The following MEF2D variants were observed in gnomAD, a reference collection of about 807,000 sequenced individuals.
MEF2D encodes myocyte-specific enhancer factor 2D.
MEF2D carries 10 observed loss-of-function variants against 59.3 expected under a neutral mutation model. That is an observed-to-expected ratio of 0.17 (90% CI 0.10 to 0.29). The LOEUF (loss-of-function observed/expected upper bound fraction) is 0.29, where lower values mean the gene tolerates loss of function less well. Ranked by LOEUF, MEF2D falls within the 10% of genes least tolerant of loss-of-function variation. The pLI is 1.00. For synonymous variants in MEF2D, 305 were observed against 295.0 expected, an observed-to-expected ratio of 1.03 and a Z score of -0.35; for missense variants, 508 against 699.4, an observed-to-expected ratio of 0.73 and a Z score of 3.09.
intron 1 of MEF2D, among the ~76,000 whole-genome samples, chr1:156,496,572 AG>A (rs1490720650): frequency 6.6e-6 from 1 of 152,152 alleles, no homozygotes; most frequent in Non-Finnish European, 1.5e-5. Context: ...CTCCTGCTCC[AG>A]TCAGCCCTTC....
Position 156,468,654 on chromosome 1 carries a change from T to C in MEF2D, c.1247+126A>G. The C allele has an allele frequency of 6.9e-7, 1 of 1,459,222 alleles. No homozygotes were observed. Among genetic ancestry groups the C allele is most frequent in the Non-Finnish European group, 9.3e-7 (1 of 1,081,066 alleles). 90.4% of individuals were successfully genotyped at this position (1,459,222 alleles called of 1,614,324 possible). A position where few individuals can be genotyped will look rare whatever the true frequency, so the allele number is the denominator to read the frequency against. On this transcript the variant is annotated intron_variant, in intron 10 of 11. Transcript: ENST00000348159. The surrounding 1 kb of genome is among the most constrained non-coding windows in gnomAD (Gnocchi z 4.3). The stretch of plus-strand genomic sequence containing the variant: ...GGTGCCACTGTTGCCTAACAGACTG[T>C]GCAGTGCACAGCCTCATAGGATGTC...
intron 1 of MEF2D, among the ~76,000 whole-genome samples, chr1:156,489,246 C>T (rs560426866): frequency 6.6e-6 from 1 of 152,222 alleles, no homozygotes; most frequent in African/African-American, 2.4e-5. Flanking sequence ...TCCTCCCGCC[C>T]CTTCCCTGTG....
chr1:156,497,234 GGGACAGAA>G (rs1260702373), intron 1 of MEF2D, among the ~76,000 whole-genome samples: 8 of 152,242 alleles, frequency 5.3e-5, no homozygotes, highest in Non-Finnish European at 8.8e-5. Flanking sequence ...TCACCAAACT[GGGACAGAA>G]GGACAGACAG....
chr1:156,472,693 C>T (rs1451813380), intron 9 of MEF2D, among the ~76,000 whole-genome samples: 3 of 151,140 alleles, frequency 2.0e-5, no homozygotes, highest in South Asian at 4.2e-4. Context: ...GGACTACAGG[C>T]GTGTGCCACC....
chr1:156,479,084 C>T (rs1473740902), intron 6 of MEF2D, among the ~76,000 whole-genome samples: 2 of 151,848 alleles, frequency 1.3e-5, no homozygotes, highest in Non-Finnish European at 2.9e-5. Context: ...ATTCCCTGAG[C>T]CTCCATCTCT....
chr1:156,483,174 G>A (rs1308627078), intron 2 of MEF2D, 65 bp downstream of exon 2: 3 of 1,522,550 alleles, frequency 2.0e-6, no homozygotes, highest in African/African-American at 2.7e-5. Flanking sequence ...AATGCCTGAA[G>A]GGAGTAGAGG....
At chr1:156,476,809 C>G in intron 7 of MEF2D, 1 of 678,060 alleles carries the variant, frequency 1.5e-6, no homozygotes, top group Non-Finnish European at 2.5e-6. Flanking sequence ...TTTTTACTGC[C>G]TTAGGCTGGT....
At chr1:156,482,148 G>A (rs544013120) in intron 3 of MEF2D, among the ~76,000 whole-genome samples, 1 of 152,376 alleles carries the variant, frequency 6.6e-6, no homozygotes, top group East Asian at 1.9e-4. Flanking sequence ...GCAGGATAGA[G>A]ATGTTACATC....
At chr1:156,481,176 G>C (rs1022013363) in intron 3 of MEF2D, among the ~76,000 whole-genome samples, 1 of 152,186 alleles carries the variant, frequency 6.6e-6, no homozygotes, top group African/African-American at 2.4e-5. Flanking sequence ...GGGAGCTGTC[G>C]GAACACAGAG....
At chr1:156,471,980 G>A (rs149719304) in intron 9 of MEF2D, among the ~76,000 whole-genome samples, 36 of 152,322 alleles carry the variant, frequency 2.4e-4, no homozygotes, top group African/African-American at 7.9e-4. Context: ...ATGCCAGAGT[G>A]ACAGATGAGA....
In MEF2D at chr1:156,468,692, G is replaced by A; in HGVS notation, c.1247+88C>T. On this transcript the variant is annotated intron_variant, in intron 10 of 11. Transcript: ENST00000348159. The surrounding 1 kb of genome is among the most constrained non-coding windows in gnomAD (Gnocchi z 4.3). Reference sequence around the variant, plus strand: ...CTCATAGGATGTCCACTAGAACCCTGCAGGGAACCCAGCTCCCAAGAGGTC... The same window carrying A: ...CTCATAGGATGTCCACTAGAACCCTACAGGGAACCCAGCTCCCAAGAGGTC... 1 of 1,547,978 alleles carries A rather than the reference G, an allele frequency of 6.5e-7. No homozygotes were observed. Among genetic ancestry groups the A allele is most frequent in the Non-Finnish European group, 8.8e-7 (1 of 1,142,292 alleles).
rs1400781078 is a variant in MEF2D at position 156,480,870 on chromosome 1, G to A, written c.360C>T (p.Ala120=). The A allele has an allele frequency of 6.2e-7, 1 of 1,604,546 alleles. No homozygotes were observed. The highest frequency in any genetic ancestry group is 8.5e-7 in the Non-Finnish European group (1 of 1,175,754). ...GGAAGAGCCCGTCGAGCTCCTCGCT[G>A]GCGCGTCGGTACTTGTCCTCCAGCA... is the stretch of plus-strand genomic sequence containing the variant. The part of the protein sequence containing the change: ...SPLLEDKYRR[A]SEELDGLFRR... Residue 120 remains alanine, a synonymous_variant, in exon 4 of 12, where the codon GCC becomes GCT. Transcript: ENST00000348159.
intron 4 of MEF2D, 188 bp downstream of exon 4, chr1:156,480,646 C>T: frequency 6.5e-7 from 1 of 1,549,778 alleles, no homozygotes; most frequent in Non-Finnish European, 8.7e-7. Context: ...TACTCACGGC[C>T]AGTCTATAAC....
chr1:156,479,407 G>T, intron 5 of MEF2D, 61 bp from the exon 6 acceptor site: 1 of 1,571,392 alleles, frequency 6.4e-7, no homozygotes. Flanking sequence ...GTGAGTCTTG[G>T]GGACTGAACA....
intron 4 of MEF2D, among the ~76,000 whole-genome samples, chr1:156,480,086 G>A (rs572722708): frequency 3.6e-4 from 55 of 152,244 alleles, no homozygotes; most frequent in Middle Eastern, 3.4e-3. Context: ...CCTAGTGGAG[G>A]TGGGTTAGTC....
In MEF2D at chr1:156,467,586, C is replaced by T. The variant is rs541777657; in HGVS notation, c.*59G>A. 3.8e-5 allele frequency: 50 copies of T among 1,302,394 alleles called. No homozygotes were observed. The South Asian group carries it at 1.1e-3, about 29-fold the overall frequency. 80.7% of individuals were successfully genotyped at this position (1,302,394 alleles called of 1,614,324 possible). A position where few individuals can be genotyped will look rare whatever the true frequency, so the allele number is the denominator to read the frequency against. ...GGGAGGAGCCCGGGGCAGGGAAGGG[C>T]GGGCGGTGAGATTGTCAACTCTTCA... On this transcript the variant is annotated 3_prime_UTR_variant, in exon 12 of 12. Transcript: ENST00000348159.
rs1305951058 is a variant in MEF2D, at chr1:156,480,960, C to T, written c.270G>A (p.Lys90=). 1 of 1,611,986 alleles carries T rather than the reference C, an allele frequency of 6.2e-7. No individual in the cohort carries two copies. The highest frequency in any genetic ancestry group is 8.5e-7 in the Non-Finnish European group (1 of 1,179,942). Residue 90 remains lysine, a synonymous_variant, in exon 4 of 12, where the codon AAG becomes AAA. Coordinates refer to ENST00000348159, the MANE Select transcript of MEF2D (RefSeq NM_005920.4). ...GGCTGTCGCAGCCGTTGAAGCCCTT[C>T]TTCCTCAGGGTCTGTAACCGCACCA... is the stretch of plus-strand genomic sequence containing the variant. ...TNADIIETLR[K]KGFNGCDSPE...
At chr1:156,493,402 C>A (rs1028644946) in intron 1 of MEF2D, among the ~76,000 whole-genome samples, 15 of 152,136 alleles carry the variant, frequency 9.9e-5, no homozygotes, top group Non-Finnish European at 2.2e-4. Context: ...CCTTCTAACT[C>A]GAAGGACAGT....
rs138045281 is a variant in MEF2D, at chr1:156,468,202, G to A, written c.1345C>T (p.Arg449Cys). Residue 449 changes from arginine (R) to cysteine (C), a missense_variant, in exon 11 of 12, where the codon CGC becomes TGC. Arg to Cys is a radical substitution (Grantham distance 180, BLOSUM62 -3). Around this residue, in one of 2 missense-constraint regions of MEF2D, gnomAD observed 481 missense variants for 584.7 expected, o/e 0.82. Transcript: ENST00000348159. This position sits in a 1 kb window ranked among gnomAD's most constrained non-coding sequence, Gnocchi z 4.3. ...GCTGGAGGGGGAGGCGCAGGGCTGC[G>A]CTCACGGCTTGGGGACACCGGTTCT... ...KSEPVSPSRE[R>C]SPAPPPPAVF... is the part of the protein sequence containing the mutation. 106 of 1,613,308 alleles carry A rather than the reference G, an allele frequency of 6.6e-5. No individual in the cohort carries two copies. The highest frequency in any genetic ancestry group is 8.2e-5 in the Non-Finnish European group (97 of 1,179,632).
Sources: gnomAD v4.1 joint callset for allele counts (sites outside exome capture counted in the v4.1 genomes callset) on GRCh38, gnomAD v4.1.1 for gene constraint, gnomAD v4.1.1 regional missense constraint, Gnocchi (gnomAD v3.1) non-coding constraint, MANE v1.5 for transcripts, NCBI Gene and HGNC (gene_info 2026-07-23, HGNC 2026-07-21) for gene names.